Variants in RETREG1 observed in about 807,000 individuals in gnomAD.
The protein encoded by RETREG1 is reticulophagy regulator 1.
Under a neutral mutation model 54.8 loss-of-function variants are expected in RETREG1, and 44 were observed. The ratio of observed to expected loss-of-function variants is 0.80; its 90% CI spans 0.63 to 1.03. The LOEUF is 1.03. Ranked by LOEUF, RETREG1 falls within the 50% of genes least tolerant of loss-of-function variation. The pLI, the probability that RETREG1 is intolerant of heterozygous loss-of-function variation, is 0.00. For missense variants in RETREG1, 554 were observed against 605.1 expected (o/e 0.92, Z 0.89); for synonymous variants, 217 against 238.5 (o/e 0.91, Z 0.83).
At chr5:16,549,731 T>C (rs1741480781) in intron 3 of RETREG1, among the ~76,000 whole-genome samples, 1 of 152,192 alleles carries the variant, frequency 6.6e-6, no homozygotes, top group Non-Finnish European at 1.5e-5. Context: ...GACTTGAGGA[T>C]GTTCAGCTTA....
chr5:16,570,190 CA>C (rs1218934317), intron 2 of RETREG1, among the ~76,000 whole-genome samples: 1 of 152,212 alleles, frequency 6.6e-6, no homozygotes, highest in African/African-American at 2.4e-5. Context: ...TGAACTAGCT[CA>C]AAAATGAGGC....
intron 1 of RETREG1, among the ~76,000 whole-genome samples, chr5:16,576,300 T>TTTC (rs1222264464): frequency 6.7e-6 from 1 of 148,622 alleles, no homozygotes; most frequent in African/African-American, 2.5e-5. Context: ...TTTTCTTTTT[T>TTTC]TTTTTTTTTT....
At chr5:16,568,847 T>A (rs1182771186) in intron 2 of RETREG1, among the ~76,000 whole-genome samples, 1 of 151,986 alleles carries the variant, frequency 6.6e-6, no homozygotes, top group Non-Finnish European at 1.5e-5. Flanking sequence ...AAATAATAAC[T>A]GGGGGAAGGA....
chr5:16,511,339 G>A (rs1325493104), intron 3 of RETREG1, among the ~76,000 whole-genome samples: 1 of 152,208 alleles, frequency 6.6e-6, no homozygotes, highest in East Asian at 1.9e-4. Flanking sequence ...GCAGTGAACT[G>A]TGATGCCAGT....
rs555940872 is a variant in RETREG1, at chr5:16,508,876, A to T, written c.459-25404T>A. ...TCACTGCCCCCTTCTAAAAATAAAT[A>T]GGTCACCTCTTACTCCCAGTACTGT... is the stretch of plus-strand genomic sequence containing the variant. On this transcript the variant is annotated intron_variant, in intron 3 of 8. Coordinates refer to ENST00000306320, the MANE Select transcript of RETREG1 (RefSeq NM_001034850.3). 43 of 1,356,130 alleles carry T rather than the reference A, an allele frequency of 3.2e-5. No individual in the cohort carries two copies. The South Asian group carries it at 4.7e-4, about 15-fold the overall frequency. The allele number at this position is 1,356,130 out of a possible 1,614,324, so 84.0% of individuals were successfully genotyped here.
intron 3 of RETREG1, among the ~76,000 whole-genome samples, chr5:16,554,273 T>G (rs921180280): frequency 1.4e-4 from 22 of 152,248 alleles, no homozygotes; most frequent in East Asian, 3.9e-4. Context: ...ACCTCTCCGT[T>G]GAGCCTCGCT....
chr5:16,543,278 C>T (rs1042283761), intron 3 of RETREG1, among the ~76,000 whole-genome samples: 4 of 152,240 alleles, frequency 2.6e-5, no homozygotes, highest in East Asian at 1.9e-4. Context: ...ATAAAGCTGC[C>T]GTGAACATTT....
chr5:16,544,600 T>C (rs1454593901), intron 3 of RETREG1, among the ~76,000 whole-genome samples: 1 of 152,218 alleles, frequency 6.6e-6, no homozygotes, highest in Non-Finnish European at 1.5e-5. Flanking sequence ...CTGTTTGTGG[T>C]ACAAGGGATG....
Position 16,572,074 on chromosome 5 carries a change from AT to A in RETREG1, c.348del (p.Tyr117IlefsTer3). The part of the protein sequence containing the change: ...FWFLALTPWR[V>X]YHLISVMILG... ...AGTATCATGACGGAAATCAGGTGATATACTCTCCATGGAGTCAATGCAAGGA... is the reference window on the plus strand; with the variant it reads ...AGTATCATGACGGAAATCAGGTGATAACTCTCCATGGAGTCAATGCAAGGA... On this transcript the variant is annotated frameshift_variant, in exon 2 of 9. Transcript: ENST00000306320. LOFTEE classifies it high-confidence loss of function. The A allele has an allele frequency of 6.2e-7, 1 of 1,613,742 alleles. No individual in the cohort carries two copies. The highest frequency in any genetic ancestry group is 8.5e-7 in the Non-Finnish European group (1 of 1,179,610).
chr5:16,478,801 G>A lies in RETREG1; in HGVS notation c.808+49C>T, dbSNP rs202076921. ...TTAAAGAATTTCCTAAAAATAGCTC[G>A]CTAATGTCTCATTTCATGCATAGAA... On this transcript the variant is annotated intron_variant, in intron 6 of 8. Transcript: ENST00000306320. 8.7e-4 allele frequency: 1,356 copies of A among 1,561,390 alleles called. 3 individuals carry two copies. The highest frequency in any genetic ancestry group is 1.1e-3 in the Non-Finnish European group (1,225 of 1,135,440).
At chr5:16,485,872 AAT>A (rs1270919960) in intron 3 of RETREG1, among the ~76,000 whole-genome samples, 4 of 152,190 alleles carry the variant, frequency 2.6e-5, no homozygotes, top group Non-Finnish European at 5.9e-5. Flanking sequence ...AAATGTGGAA[AAT>A]ACTGTTATCA....
intron 3 of RETREG1, among the ~76,000 whole-genome samples, chr5:16,505,627 T>C (rs1739922574): frequency 6.6e-6 from 1 of 152,054 alleles, no homozygotes; most frequent in South Asian, 2.1e-4. Context: ...GTGCCTAGGG[T>C]CCCTCTCCCT....
chr5:16,605,508 T>C (rs1394150506), intron 1 of RETREG1, among the ~76,000 whole-genome samples: 2 of 151,588 alleles, frequency 1.3e-5, no homozygotes, highest in Non-Finnish European at 2.9e-5. Flanking sequence ...TGGGAGGGAG[T>C]GGGGTGTTAA....
chr5:16,474,686 C>CTTTTTTTAAATTTTT lies in RETREG1; in HGVS notation c.*54_*55insAAAAATTTAAAAAAA. ...TTCTTTTCCTTTTTTTTTTTTTTTTCTTGTTTGAAATTTTTTTGGTGTTTT... is the reference window on the plus strand; with the variant it reads ...TTCTTTTCCTTTTTTTTTTTTTTTTCTTTTTTTAAATTTTTTTGTTTGAAATTTTTTTGGTGTTTT... On this transcript the variant is annotated 3_prime_UTR_variant, in exon 9 of 9. Coordinates refer to ENST00000306320, the MANE Select transcript of RETREG1 (RefSeq NM_001034850.3). 4 of 719,206 alleles carry CTTTTTTTAAATTTTT rather than the reference C, an allele frequency of 5.6e-6. No individual in the cohort carries two copies. The highest frequency in any genetic ancestry group is 2.7e-5 in the South Asian group (1 of 36,422). The allele number at this position is 719,206 out of a possible 1,614,324, so 44.6% of individuals were successfully genotyped here. A position where few individuals can be genotyped will look rare whatever the true frequency, so the allele number is the denominator to read the frequency against.
rs147236695 is a variant in RETREG1 at position 16,498,818 on chromosome 5, G to A, written c.459-15346C>T. 5.0e-3 allele frequency among the ~76,000 whole-genome samples: 765 copies of A among 152,330 alleles called. 19 individuals are homozygous for A. Among genetic ancestry groups the A allele is most frequent in the Non-Finnish European group, 3.6e-3 (244 of 68,034 alleles). On this transcript the variant is annotated intron_variant, in intron 3 of 8. Transcript: ENST00000306320. ...GAGTCAGTGAGCAATGAGTGAATGT[G>A]AAGGCCTAGGACATTACTGTGCACT...
At chr5:16,541,793 G>GAAGGA (rs1561112901) in intron 3 of RETREG1, among the ~76,000 whole-genome samples, 6 of 146,788 alleles carry the variant, frequency 4.1e-5, no homozygotes, top group African/African-American at 1.3e-4. Flanking sequence ...AGGAAGGAAG[G>GAAGGA]AAGGAAAGGA....
rs1579729027 is a variant in RETREG1, at chr5:16,610,030, G to C, written c.320+6622C>G. Among the ~76,000 whole-genome samples the C allele has an allele frequency of 2.6e-5, 4 of 152,170 alleles. 1 individual carries two copies. The highest frequency in any genetic ancestry group is 9.7e-5 in the African/African-American group (4 of 41,446). ...GAGTGTGGAGGAGGCCCATGATTTT[G>C]CATCTCCAGGTGACACTGGTGATGT... On this transcript the variant is annotated intron_variant, in intron 1 of 8. Transcript: ENST00000306320.
chr5:16,560,362 A>T (rs931794768), intron 3 of RETREG1, among the ~76,000 whole-genome samples: 2 of 152,312 alleles, frequency 1.3e-5, no homozygotes, highest in Non-Finnish European at 1.5e-5. Context: ...AGGAAAGGAG[A>T]AGTTCCTTCT....
rs1231941291 is a variant in RETREG1, at chr5:16,593,792, T to C, written c.321-21690A>G. ...TCATGTTGCAATGGTGTGGCTGAGG[T>C]CAAAGAGAATGGTGCTCTGCTGACT... On this transcript the variant is annotated intron_variant, in intron 1 of 8. Coordinates refer to ENST00000306320, the MANE Select transcript of RETREG1 (RefSeq NM_001034850.3). The surrounding 1 kb of genome is among the most constrained non-coding windows in gnomAD (Gnocchi z 4.9). Among the ~76,000 whole-genome samples the C allele has an allele frequency of 6.6e-6, 1 of 152,142 alleles. No homozygotes were observed. Among genetic ancestry groups the C allele is most frequent in the Non-Finnish European group, 1.5e-5 (1 of 68,020 alleles).
Sources: gnomAD v4.1 joint callset for allele counts (sites outside exome capture counted in the v4.1 genomes callset) on GRCh38, gnomAD v4.1.1 for gene constraint, Gnocchi (gnomAD v3.1) non-coding constraint, MANE v1.5 for transcripts, NCBI Gene and HGNC (gene_info 2026-07-23, HGNC 2026-07-21) for gene names.